Variants in TMEM177 observed in about 807,000 individuals in gnomAD.
The protein encoded by TMEM177 is transmembrane protein 177.
Under a neutral mutation model 14.2 loss-of-function variants are expected in TMEM177, and 4 were observed. The ratio of observed to expected loss-of-function variants is 0.28; its 90% confidence interval spans 0.14 to 0.64. The LOEUF is 0.64. TMEM177 is among the 30% of genes least tolerant of loss of function. The probability of loss-of-function intolerance (pLI) is 0.82; values close to 1 mark genes in which losing one functional copy is unlikely to be tolerated. For missense variants in TMEM177, 344 were observed against 405.2 expected (o/e 0.85, Z 1.30); for synonymous variants, 179 against 174.5 (o/e 1.03, Z -0.20).
the TMEM177 span, among the ~76,000 whole-genome samples, chr2:119,705,990 A>ATATTATATAT: frequency 2.9e-3 from 42 of 14,608 alleles, no homozygotes; most frequent in African/African-American, 4.5e-3. Flanking sequence ...CTCTCTATAT[A>ATATTATATAT]TATATATTAT....
downstream of TMEM177, among the ~76,000 whole-genome samples, chr2:119,686,978 C>T (rs1227513462): frequency 3.9e-5 from 6 of 152,146 alleles, no homozygotes; most frequent in Non-Finnish European, 5.9e-5. Context: ...TTTAAGATGA[C>T]CCTAATGATC....
chr2:119,709,596 C>T, the TMEM177 span, among the ~76,000 whole-genome samples: 1 of 152,264 alleles, frequency 6.6e-6, no homozygotes, highest in South Asian at 2.1e-4. Flanking sequence ...CCAAGATGGG[C>T]GGATCACGAG....
the TMEM177 span, among the ~76,000 whole-genome samples, chr2:119,706,375 T>G: frequency 6.6e-6 from 1 of 151,800 alleles, no homozygotes; most frequent in African/African-American, 2.4e-5. Flanking sequence ...ATGGAAGGGG[T>G]GGCCTCACCA....
the TMEM177 span, among the ~76,000 whole-genome samples, chr2:119,715,914 G>C: frequency 1.3e-5 from 2 of 152,230 alleles, no homozygotes; most frequent in Non-Finnish European, 2.9e-5. Context: ...CCGCGTCAGA[G>C]GGGAGGGTGG....
chr2:119,714,764 C>A, the TMEM177 span, among the ~76,000 whole-genome samples: 1 of 151,632 alleles, frequency 6.6e-6, no homozygotes, highest in Non-Finnish European at 1.5e-5. Flanking sequence ...GTGATGAAGG[C>A]AAGAAAATGG....
At chr2:119,706,312 C>A in the TMEM177 span, among the ~76,000 whole-genome samples, 1 of 152,106 alleles carries the variant, frequency 6.6e-6, no homozygotes, top group East Asian at 1.9e-4. Flanking sequence ...AGGCGTGAGC[C>A]ACAGCGCCTG....
chr2:119,711,576 C>T, the TMEM177 span, among the ~76,000 whole-genome samples: 5 of 152,136 alleles, frequency 3.3e-5, no homozygotes, highest in African/African-American at 7.2e-5. Context: ...TTTTTCACAT[C>T]GCCTGGGGCT....
chr2:119,700,003 G>T, the TMEM177 span: 1 of 328,342 alleles, frequency 3.0e-6, no homozygotes, highest in South Asian at 3.1e-5. Flanking sequence ...GAGAGCTCAT[G>T]GTTGATTAAC....
At chr2:119,691,753 T>TG in the TMEM177 span, among the ~76,000 whole-genome samples, 1 of 152,180 alleles carries the variant, frequency 6.6e-6, no homozygotes, top group African/African-American at 2.4e-5. Flanking sequence ...CACACTTCTC[T>TG]GGGGGCCACA....
downstream of TMEM177, chr2:119,685,755 G>A (rs1017641654): frequency 1.3e-5 from 9 of 717,686 alleles, no homozygotes; most frequent in Non-Finnish European, 2.3e-5. Context: ...CTGGTTCCAG[G>A]TATCGTTCTT....
chr2:119,689,862 A>G (rs913861215), downstream of TMEM177, among the ~76,000 whole-genome samples: 1 of 152,232 alleles, frequency 6.6e-6, no homozygotes, highest in Non-Finnish European at 1.5e-5. Flanking sequence ...GAATATTATT[A>G]CTATTATAAC....
the TMEM177 span, among the ~76,000 whole-genome samples, chr2:119,698,003 G>A: frequency 6.6e-6 from 1 of 152,130 alleles, no homozygotes; most frequent in Non-Finnish European, 1.5e-5. Context: ...AAATGAATGA[G>A]CCTAAAAAGC....
chr2:119,704,638 G>T, the TMEM177 span, among the ~76,000 whole-genome samples: 124 of 152,160 alleles, frequency 8.1e-4, no homozygotes, highest in Non-Finnish European at 1.1e-3. Flanking sequence ...GAGGAGGAAG[G>T]TAGCTTGATA....
chr2:119,697,726 A>G, the TMEM177 span, among the ~76,000 whole-genome samples: 3 of 151,620 alleles, frequency 2.0e-5, no homozygotes, highest in African/African-American at 7.3e-5. Context: ...CTCACTCTGG[A>G]TTCCTTGCTT....
chr2:119,721,716 A>G, the TMEM177 span, among the ~76,000 whole-genome samples: 1 of 152,228 alleles, frequency 6.6e-6, no homozygotes, highest in Non-Finnish European at 1.5e-5. Context: ...TGGTGTCAGA[A>G]CAGTTGGTAT....
chr2:119,698,546 G>C, the TMEM177 span: 2 of 153,186 alleles, frequency 1.3e-5, no homozygotes, highest in Non-Finnish European at 2.9e-5. Flanking sequence ...CAAACTTCAG[G>C]GTGAAGAGGA....
At chr2:119,688,685 A>C (rs1689053612), downstream of TMEM177, among the ~76,000 whole-genome samples, 1 of 152,302 alleles carries the variant, frequency 6.6e-6, no homozygotes, top group African/African-American at 2.4e-5. Context: ...GTAAGCATGA[A>C]GGCCTACTCA....
chr2:119,683,264 G>T (rs1389920115), downstream of TMEM177, among the ~76,000 whole-genome samples: 14 of 152,184 alleles, frequency 9.2e-5, no homozygotes, highest in Non-Finnish European at 7.3e-5. Context: ...CCTGAGGGCA[G>T]CACATCCTTG....
the TMEM177 span, among the ~76,000 whole-genome samples, chr2:119,695,996 CA>C: frequency 6.6e-6 from 1 of 152,190 alleles, no homozygotes. Context: ...ATTTACCCAA[CA>C]AAAGGTGTGC....
Sources: gnomAD v4.1 joint callset for allele counts (sites outside exome capture counted in the v4.1 genomes callset) on GRCh38, gnomAD v4.1.1 for gene constraint, MANE v1.5 for transcripts, NCBI Gene and HGNC (gene_info 2026-07-23, HGNC 2026-07-21) for gene names.